NWD1: variants seen among roughly 807,000 people sequenced by gnomAD.
The protein encoded by NWD1 is NACHT and WD repeat domain containing 1, also known as NACHT domain- and WD repeat-containing protein 1.
A neutral mutation model predicts 135.1 loss-of-function variants in NWD1; 129 were observed. The ratio of observed to expected loss-of-function variants is 0.96; its 90% CI spans 0.83 to 1.11. The LOEUF is 1.11. Among genes scored for constraint, NWD1 ranks in the 50% least tolerant of loss-of-function variants. The pLI, the probability that NWD1 is intolerant of heterozygous loss-of-function variation, is 0.00. For missense variants in NWD1, 1,740 were observed against 1,851.3 expected, an observed-to-expected ratio of 0.94 and a Z score of 1.10; for synonymous variants, 773 against 786.0, an observed-to-expected ratio of 0.98 and a Z score of 0.28.
At position 16,744,569 on chromosome 19, in the gene NWD1, C is replaced by A. The variant is rs747392538; in HGVS notation, c.347C>A (p.Pro116His). 3.3e-6 allele frequency: 5 copies of A among 1,535,380 alleles called. No individual in the cohort carries two copies. In the South Asian group the frequency reaches 6.0e-5, roughly 18 times the overall value. Residue 116 changes from proline (P) to histidine (H), a missense_variant, in exon 5 of 19, where the codon CCT becomes CAT. By Grantham distance (77) the Pro-to-His change is moderately conservative. Transcript: ENST00000524140. ...RYFQRDENAF[P>H]PTYVLQAPGT... is the part of the protein sequence containing the mutation. ...TTCCAGAGGGACGAGAATGCGTTTC[C>A]TCCCACCTACGTCCTGCAGGCACCA...
intron 18 of NWD1, among the ~76,000 whole-genome samples, chr19:16,810,403 A>G (rs1038802514): frequency 7.1e-6 from 1 of 140,564 alleles, no homozygotes; most frequent in South Asian, 2.2e-4. Flanking sequence ...ACGCCACTAC[A>G]CTCCAGCCTG....
Position 16,808,128 on chromosome 19 carries a change from A to G in NWD1, c.4279A>G (p.Ser1427Gly). ...GGCACGCAAGTGGAAATTCGAGATGAGCTACACGGTGGGTGGCCCGCCTCC... is the reference window on the plus strand; with the variant it reads ...GGCACGCAAGTGGAAATTCGAGATGGGCTACACGGTGGGTGGCCCGCCTCC... Reference protein sequence around the residue: ...LQARKWKFEMSYTAPC With the variant: ...LQARKWKFEMGYTAPC The change falls in exon 18 of 19, where the codon AGC (serine) becomes GGC (glycine). Residue 1427 changes from serine (S) to glycine (G), a missense_variant. By Grantham distance (56) the Ser-to-Gly change is moderately conservative. Coordinates refer to ENST00000524140, the MANE Select transcript of NWD1 (RefSeq NM_001007525.5). The G allele has an allele frequency of 6.2e-7, 1 of 1,612,918 alleles. No individual in the cohort carries two copies. Among genetic ancestry groups the G allele is most frequent in the East Asian group, 2.2e-5 (1 of 44,874 alleles).
intron 5 of NWD1, among the ~76,000 whole-genome samples, chr19:16,746,682 A>C (rs543549481): frequency 6.9e-5 from 8 of 116,742 alleles, no homozygotes; most frequent in African/African-American, 2.9e-4. Flanking sequence ...AAAACAAAAA[A>C]CAAAAAACAA....
At chr19:16,769,411 G>A (rs745891356) in intron 10 of NWD1, among the ~76,000 whole-genome samples, 3 of 151,788 alleles carry the variant, frequency 2.0e-5, no homozygotes, top group Non-Finnish European at 2.9e-5. Context: ...GCAGTGAGCC[G>A]GGATCACACC....
At chr19:16,740,068 C>T (rs766573843) in intron 4 of NWD1, among the ~76,000 whole-genome samples, 17 of 151,574 alleles carry the variant, frequency 1.1e-4, no homozygotes, top group Non-Finnish European at 2.2e-4. Flanking sequence ...AGGCTAAAGC[C>T]GGAGGATCGT....
intron 6 of NWD1, 45 bp downstream of exon 6, chr19:16,750,456 TC>T: frequency 7.1e-7 from 1 of 1,404,142 alleles, no homozygotes; most frequent in Non-Finnish European, 9.4e-7. Context: ...ATTTATGTTT[TC>T]TTTTTTTATT....
intron 4 of NWD1, among the ~76,000 whole-genome samples, chr19:16,742,977 A>G (rs1968148678): frequency 6.6e-6 from 1 of 151,024 alleles, no homozygotes; most frequent in Non-Finnish European, 1.5e-5. Context: ...TAGTGGTGCC[A>G]TCTTGGCTCA....
Position 16,791,498 on chromosome 19 carries a change from C to T in NWD1, c.3089C>T (p.Ala1030Val). 1 of 1,614,126 alleles carries T rather than the reference C, an allele frequency of 6.2e-7. No individual in the cohort carries two copies. The highest frequency in any genetic ancestry group is 8.5e-7 in the Non-Finnish European group (1 of 1,180,026). The change falls in exon 14 of 19, where the codon GCT (alanine) becomes GTT (valine). Residue 1030 changes from alanine to valine, a missense_variant. Coordinates refer to ENST00000524140, the MANE Select transcript of NWD1 (RefSeq NM_001007525.5). ...GGTGTGGTCAGTCTGTGGAGCTCAG[C>T]TACGGGAAAACTTCAGGGGAAGCAA... ...RDGVVSLWSS[A>V]TGKLQGKQHM... is the part of the protein sequence containing the mutation.
At chr19:16,762,400 C>A (rs1246888059) in intron 8 of NWD1, among the ~76,000 whole-genome samples, 1 of 148,602 alleles carries the variant, frequency 6.7e-6, no homozygotes, top group Non-Finnish European at 1.5e-5. Context: ...AGGTTCAAGC[C>A]ATTTTCCTGC....
chr19:16,797,328 CTTTTTTT>C (rs764836395), intron 15 of NWD1, among the ~76,000 whole-genome samples: 10 of 120,356 alleles, frequency 8.3e-5, no homozygotes, highest in East Asian at 6.6e-4. Flanking sequence ...CAAAACATCT[CTTTTTTT>C]TTTTTTTTTT....
chr19:16,787,882 T>A (rs200373638), intron 12 of NWD1, among the ~76,000 whole-genome samples: 7 of 51,650 alleles, frequency 1.4e-4, no homozygotes, highest in South Asian at 8.8e-4. Context: ...ATAACAATAA[T>A]AATAATAATA....
Position 16,789,022 on chromosome 19 carries a change from C to T in NWD1, c.2772C>T (p.Leu924=), listed in dbSNP as rs148394779. 4.2e-5 allele frequency: 68 copies of T among 1,612,348 alleles called. No homozygotes were observed. Among genetic ancestry groups the T allele is most frequent in the African/African-American group, 6.7e-5 (5 of 74,858 alleles). ...RCVKIFAKGT[L]ANSASKDYTL... is the part of the protein sequence containing the mutation. ...TGAAAATATTTGCCAAAGGGACCCT[C>T]GCCAACTCTGCTTCAAAGGATTACA... Residue 924 remains leucine (L), a synonymous_variant, in exon 13 of 19, where the codon CTC becomes CTT. Transcript: ENST00000524140.
intron 10 of NWD1, among the ~76,000 whole-genome samples, chr19:16,768,014 C>T (rs1252128829): frequency 2.0e-5 from 2 of 101,518 alleles, no homozygotes; most frequent in East Asian, 3.2e-4. Context: ...TTTTGCACGA[C>T]AGAGTCTCGC....
In NWD1 at chr19:16,749,521, G is replaced by C; in HGVS notation, c.879G>C (p.Trp293Cys). 3 of 1,611,034 alleles carry C rather than the reference G, an allele frequency of 1.9e-6. No individual in the cohort carries two copies. The highest frequency in any genetic ancestry group is 1.1e-5 in the South Asian group (1 of 91,022). The change falls in exon 6 of 19, where the codon TGG (tryptophan) becomes TGC (cysteine). Residue 293 changes from tryptophan to cysteine, a missense_variant. Transcript: ENST00000524140. ...ELDTAGQELA[W>C]LYQEIRHHLW... ...ATACGGCCGGACAGGAGTTGGCGTG[G>C]CTCTACCAAGAGATCCGCCACCACC...
At chr19:16,753,783 A>G (rs1968670454) in intron 6 of NWD1, among the ~76,000 whole-genome samples, 1 of 152,168 alleles carries the variant, frequency 6.6e-6, no homozygotes, top group Admixed American at 6.5e-5. Flanking sequence ...GACCCTATCC[A>G]TTCATCCATC....
intron 7 of NWD1, 63 bp downstream of exon 7, chr19:16,759,491 T>C: frequency 1.6e-6 from 2 of 1,230,674 alleles, no homozygotes; most frequent in Non-Finnish European, 2.3e-6. Flanking sequence ...GAGGACTCAC[T>C]GGCCGGGGGT....
At chr19:16,763,054 A>T (rs772940528) in intron 8 of NWD1, among the ~76,000 whole-genome samples, 12 of 152,052 alleles carry the variant, frequency 7.9e-5, no homozygotes, top group Non-Finnish European at 4.4e-5. Flanking sequence ...CACTGAGATT[A>T]CAGGCGTGTA....
intron 4 of NWD1, among the ~76,000 whole-genome samples, chr19:16,741,541 A>G (rs61419843): frequency 2.0e-5 from 3 of 150,512 alleles, no homozygotes; most frequent in East Asian, 4.0e-4. Context: ...AATTATTTTT[A>G]TATTTTTAAT....
chr19:16,775,467 T>C (rs188659876), intron 11 of NWD1, among the ~76,000 whole-genome samples: 1 of 152,234 alleles, frequency 6.6e-6, no homozygotes, highest in East Asian at 1.9e-4. Flanking sequence ...GCTGTCCTCG[T>C]TGGCCCAATA....
Sources: gnomAD v4.1 joint callset for allele counts (sites outside exome capture counted in the v4.1 genomes callset) on GRCh38, gnomAD v4.1.1 for gene constraint, MANE v1.5 for transcripts, NCBI Gene and HGNC (gene_info 2026-07-23, HGNC 2026-07-21) for gene names.